TMEM161B: variants seen among roughly 807,000 people sequenced by gnomAD.
TMEM161B encodes transmembrane protein 161B.
In TMEM161B, 34 loss-of-function variants were observed where a neutral mutation model predicts 61.8. The ratio of observed to expected loss-of-function variants is 0.55; its 90% CI spans 0.42 to 0.73. The LOEUF (loss-of-function observed/expected upper bound fraction) is 0.73. Ranked by LOEUF, TMEM161B falls within the 30% of genes least tolerant of loss-of-function variation. The pLI, the probability that TMEM161B is intolerant of heterozygous loss-of-function variation, is 0.00. For synonymous variants in TMEM161B, 167 were observed against 192.8 expected, an observed-to-expected ratio of 0.87 and a Z score of 1.11; for missense variants, 456 against 558.5, an observed-to-expected ratio of 0.82 and a Z score of 1.85.
rs367977054 is a variant in TMEM161B at position 88,268,735 on chromosome 5, T to C, written c.-12A>G. On this transcript the variant is annotated 5_prime_UTR_variant, in exon 1 of 12. Transcript: ENST00000296595. ...GAAGAACTCACCATGGCGCCTAGGATAGGTCGTGGACCAGACACCCTGGAG... is the reference window on the plus strand; with the variant it reads ...GAAGAACTCACCATGGCGCCTAGGACAGGTCGTGGACCAGACACCCTGGAG... 3.7e-5 allele frequency: 59 copies of C among 1,613,942 alleles called. No homozygotes were observed. The highest frequency in any genetic ancestry group is 8.0e-5 in the African/African-American group (6 of 74,920).
intron 1 of TMEM161B, among the ~76,000 whole-genome samples, chr5:88,251,987 T>C (rs182364648): frequency 2.0e-5 from 3 of 152,282 alleles, no homozygotes; most frequent in East Asian, 3.9e-4. Flanking sequence ...ATAAAAGAAT[T>C]TGTCTTAACA....
chr5:88,216,283 T>C (rs1480524384), intron 5 of TMEM161B, among the ~76,000 whole-genome samples: 4 of 152,096 alleles, frequency 2.6e-5, no homozygotes, highest in African/African-American at 9.7e-5. Context: ...TTGGAGAACA[T>C]GATAACTCAC....
intron 1 of TMEM161B, among the ~76,000 whole-genome samples, chr5:88,258,670 T>C (rs1390463557): frequency 6.6e-6 from 1 of 152,116 alleles, no homozygotes; most frequent in Non-Finnish European, 1.5e-5. Context: ...TCAATAATAA[T>C]CAAGTTAATG....
intron 1 of TMEM161B, among the ~76,000 whole-genome samples, chr5:88,265,290 C>T (rs1756237440): frequency 6.6e-6 from 1 of 152,040 alleles, no homozygotes; most frequent in Admixed American, 6.5e-5. Context: ...CCTTTTTGGC[C>T]CCAGGGACTG....
At chr5:88,240,985 T>C in intron 1 of TMEM161B, 69 bp from the exon 2 acceptor site, 1 of 1,082,522 alleles carries the variant, frequency 9.2e-7, no homozygotes, top group Non-Finnish European at 1.3e-6. Flanking sequence ...TGGAAAACTT[T>C]CTGTACATTT....
At chr5:88,215,362 G>A (rs770335554) in intron 5 of TMEM161B, among the ~76,000 whole-genome samples, 2 of 152,158 alleles carry the variant, frequency 1.3e-5, no homozygotes, top group Non-Finnish European at 2.9e-5. Flanking sequence ...AACAGGTTAT[G>A]TTATAACTAA....
intron 7 of TMEM161B, 71 bp from the exon 8 acceptor site, chr5:88,206,025 A>T: frequency 8.4e-7 from 1 of 1,189,658 alleles, no homozygotes; most frequent in South Asian, 1.5e-5. Flanking sequence ...TTTTCTTCTA[A>T]TCAATTATCT....
At chr5:88,199,817 GA>G (rs1241659718) in intron 9 of TMEM161B, 4 of 152,072 alleles carry the variant, frequency 2.6e-5, no homozygotes, top group Non-Finnish European at 5.9e-5. Context: ...TTTTTAGAAA[GA>G]AGAGATAACT....
chr5:88,205,284 T>C (rs545446081), intron 8 of TMEM161B, among the ~76,000 whole-genome samples: 1 of 152,250 alleles, frequency 6.6e-6, no homozygotes, highest in South Asian at 2.1e-4. Flanking sequence ...ACATATAACA[T>C]TGTAGAGTAC....
At chr5:88,212,205 A>G (rs1746945784) in intron 5 of TMEM161B, among the ~76,000 whole-genome samples, 1 of 152,216 alleles carries the variant, frequency 6.6e-6, no homozygotes, top group South Asian at 2.1e-4. Context: ...TTCTATAACC[A>G]ACCAAATGCC....
At chr5:88,234,287 C>T (rs573138679) in intron 2 of TMEM161B, among the ~76,000 whole-genome samples, 16 of 152,154 alleles carry the variant, frequency 1.1e-4, no homozygotes, top group South Asian at 4.2e-4. Context: ...GAGTGATGGG[C>T]GCTTGTTTCA....
chr5:88,199,226 C>A, intron 9 of TMEM161B, 76 bp from the exon 10 acceptor site: 1 of 1,392,070 alleles, frequency 7.2e-7, no homozygotes, highest in Non-Finnish European at 9.7e-7. Context: ...TTAATGGTCA[C>A]CATATAAGAT....
chr5:88,266,697 A>ATTG (rs1449478254), intron 1 of TMEM161B, among the ~76,000 whole-genome samples: 1 of 152,226 alleles, frequency 6.6e-6, no homozygotes, highest in East Asian at 1.9e-4. Flanking sequence ...TTCTGATTTC[A>ATTG]ACAAGCTGAA....
intron 1 of TMEM161B, among the ~76,000 whole-genome samples, chr5:88,246,197 T>A (rs1417357918): frequency 2.6e-5 from 4 of 151,726 alleles, no homozygotes; most frequent in African/African-American, 9.7e-5. Flanking sequence ...CTATGCTAAA[T>A]AAATATATTA....
intron 1 of TMEM161B, among the ~76,000 whole-genome samples, chr5:88,243,642 CTGTTT>C (rs780930309): frequency 6.6e-6 from 1 of 151,796 alleles, no homozygotes; most frequent in African/African-American, 2.4e-5. Context: ...AAATGGTAAT[CTGTTT>C]TAAGTTATTT....
chr5:88,240,335 T>C (rs1184522538), intron 2 of TMEM161B, among the ~76,000 whole-genome samples: 3 of 151,864 alleles, frequency 2.0e-5, no homozygotes, highest in South Asian at 2.1e-4. Context: ...CTTCGAACAA[T>C]AGCAAAAATA....
intron 1 of TMEM161B, among the ~76,000 whole-genome samples, chr5:88,251,850 G>A (rs1427918): frequency 2.0e-5 from 3 of 152,004 alleles, no homozygotes; most frequent in Non-Finnish European, 4.4e-5. Flanking sequence ...GCTATCATCA[G>A]GCACTTGGCA....
At chr5:88,228,849 GC>G (rs1425946102) in intron 2 of TMEM161B, among the ~76,000 whole-genome samples, 1 of 152,130 alleles carries the variant, frequency 6.6e-6, no homozygotes, top group Admixed American at 6.6e-5. Context: ...GAAGTCTGTA[GC>G]CAAGTGGGCA....
chr5:88,205,981 G>A, intron 7 of TMEM161B, 27 bp from the exon 8 acceptor site: 1 of 1,488,862 alleles, frequency 6.7e-7, no homozygotes, highest in Non-Finnish European at 9.1e-7. Flanking sequence ...TTAAAAAGCT[G>A]ATAAATTTTT....
Sources: gnomAD v4.1 joint callset for allele counts (sites outside exome capture counted in the v4.1 genomes callset) on GRCh38, gnomAD v4.1.1 for gene constraint, MANE v1.5 for transcripts, NCBI Gene and HGNC (gene_info 2026-07-23, HGNC 2026-07-21) for gene names.